PER3: variants seen among roughly 807,000 people sequenced by gnomAD.
PER3 encodes period circadian regulator 3, also known as period circadian protein homolog 3.
A neutral mutation model predicts 127.2 loss-of-function variants in PER3; 107 were observed. The observed-to-expected ratio is 0.84, with a 90% CI of 0.72 to 0.99. The LOEUF (loss-of-function observed/expected upper bound fraction) is 0.99. PER3 is among the 50% of genes least tolerant of loss of function. PER3 has a pLI of 0.00. For missense variants in PER3, 1,560 were observed against 1,525.8 expected, an observed-to-expected ratio of 1.02 and a Z score of -0.37; for synonymous variants, 618 against 585.8, an observed-to-expected ratio of 1.05 and a Z score of -0.79.
Position 7,784,650 on chromosome 1 carries a change from C to G in PER3, c.-224-4C>G, listed in dbSNP as rs1161527658. ...CCCTTGTCACCCTTGTCTCCTCCCC[C>G]TAGGCCGGAGTCCTGAAAGTCGAGC... On this transcript the variant is annotated splice_region_variant and splice_polypyrimidine_tract_variant and intron_variant, in intron 1 of 21. Coordinates refer to ENST00000377532, the MANE Select transcript of PER3 (RefSeq NM_001377275.1). The G allele has an allele frequency of 2.2e-6, 1 of 448,202 alleles. No homozygotes were observed. The highest frequency in any genetic ancestry group is 3.9e-6 in the Non-Finnish European group (1 of 256,938). 27.8% of individuals were successfully genotyped at this position (448,202 alleles called of 1,614,324 possible). A position where few individuals can be genotyped will look rare whatever the true frequency, so the allele number is the denominator to read the frequency against.
intron 7 of PER3, among the ~76,000 whole-genome samples, chr1:7,800,156 G>A (rs1043771497): frequency 2.6e-5 from 4 of 151,606 alleles, no homozygotes; most frequent in Non-Finnish European, 4.4e-5. Flanking sequence ...ATGAAATAGC[G>A]CACAAGCAAA....
Position 7,792,810 on chromosome 1 carries a change from C to T in PER3, c.593-1147C>T, listed in dbSNP as rs182116611. 1.8e-4 allele frequency among the ~76,000 whole-genome samples: 28 copies of T among 152,308 alleles called. No individual in the cohort carries two copies. The East Asian group carries it at 4.8e-3, about 26-fold the overall frequency. On this transcript the variant is annotated intron_variant, in intron 5 of 21. Coordinates refer to ENST00000377532, the MANE Select transcript of PER3 (RefSeq NM_001377275.1). ...AGTACGCTTTTAGAAACAAGCATCA[C>T]ATATTTACAGCCTAGGAATGGAAAT...
chr1:7,788,352 C>T (rs958096695), intron 5 of PER3, 106 bp downstream of exon 5: 2 of 779,916 alleles, frequency 2.6e-6, no homozygotes, highest in Non-Finnish European at 4.2e-6. Flanking sequence ...TGCACACTAT[C>T]TGGTTTTTCT....
intron 5 of PER3, 77 bp from the exon 6 acceptor site, chr1:7,793,880 T>C: frequency 8.3e-7 from 1 of 1,202,712 alleles, no homozygotes; most frequent in Non-Finnish European, 1.2e-6. Context: ...GTTTGTTGTT[T>C]GATAATGGTG....
intron 16 of PER3, among the ~76,000 whole-genome samples, chr1:7,822,992 CTCATCTTGGGT>C (rs767611557): frequency 6.6e-5 from 10 of 152,088 alleles, no homozygotes; most frequent in Non-Finnish European, 8.8e-5. Flanking sequence ...CTAGCTTGAG[CTCATCTTGGGT>C]TCGTTGCTAC....
Position 7,827,219 on chromosome 1 carries a change from G to A in PER3, c.2290G>A (p.Gly764Ser), listed in dbSNP as rs1252264621. The change falls in exon 18 of 22, where the codon GGC becomes AGC. Residue 764 changes from glycine (G) to serine (S), a missense_variant. This residue lies in a region of PER3 where 1,332 missense variants were observed against 1,223.6 expected (regional missense o/e 1.09). Coordinates refer to ENST00000377532, the MANE Select transcript of PER3 (RefSeq NM_001377275.1). ...GCCAGACAGCAGCAGCTCGAACACC[G>A]GCTCTGGTCCCCGCAGGGGAGCGCA... is the stretch of plus-strand genomic sequence containing the variant. ...EPPDSSSSNT[G>S]SGPRRGAHQN... is the part of the protein sequence containing the mutation. The A allele has an allele frequency of 1.9e-6, 3 of 1,613,766 alleles. No individual in the cohort carries two copies. Among genetic ancestry groups the A allele is most frequent in the Admixed American group, 1.7e-5 (1 of 59,994 alleles).
In PER3 at chr1:7,810,519, T is replaced by C. The variant is rs1577785100; in HGVS notation, c.1453T>C (p.Ser485Pro). 6.2e-7 allele frequency: 1 copy of C among 1,613,794 alleles called. No homozygotes were observed. Among genetic ancestry groups the C allele is most frequent in the Non-Finnish European group, 8.5e-7 (1 of 1,179,932 alleles). Residue 485 changes from serine to proline, a missense_variant, in exon 13 of 22, where the codon TCA becomes CCA. Ser to Pro is a moderately conservative substitution (Grantham distance 74). Coordinates refer to ENST00000377532, the MANE Select transcript of PER3 (RefSeq NM_001377275.1). The stretch of plus-strand genomic sequence containing the variant: ...GCTCTACATTGAGTCAATGACCAAA[T>C]CATCATTCAAGCCAGTGACGGGGAC... ...QQLYIESMTK[S>P]SFKPVTGTRT...
Position 7,843,991 on chromosome 1 carries a change from C to A in PER3, c.*1236C>A. On this transcript the variant is annotated 3_prime_UTR_variant, in exon 22 of 22. Coordinates refer to ENST00000377532, the MANE Select transcript of PER3 (RefSeq NM_001377275.1). ...AACAAATAGAAGAAAATGAGGGTTA[C>A]AGTAACCTGTTGTCTTTATATAACT... The A allele has an allele frequency of 8.0e-7, 1 of 1,243,094 alleles. No individual in the cohort carries two copies. The highest frequency in any genetic ancestry group is 1.0e-6 in the Non-Finnish European group (1 of 960,156). The allele number at this position is 1,243,094 out of a possible 1,614,324, so 77.0% of individuals were successfully genotyped here.
chr1:7,827,406 G>A lies in PER3; in HGVS notation c.2477G>A (p.Gly826Glu). 6.2e-7 allele frequency: 1 copy of A among 1,614,156 alleles called. No individual in the cohort carries two copies. Among genetic ancestry groups the A allele is most frequent in the Non-Finnish European group, 8.5e-7 (1 of 1,180,026 alleles). ...TSPGREYAAP[G>E]TAPEGLHGLP... ...CCCGGAAGAGAATACGCAGCCCCCG[G>A]AACTGCACCGGAAGGCCTGCATGGG... Residue 826 changes from glycine to glutamate, a missense_variant, in exon 18 of 22, where the codon GGA becomes GAA. Transcript: ENST00000377532.
At chr1:7,785,768 A>C (rs138631431) in intron 3 of PER3, among the ~76,000 whole-genome samples, 182 bp downstream of exon 3, 2 of 152,376 alleles carry the variant, frequency 1.3e-5, no homozygotes, top group African/African-American at 4.8e-5. Context: ...GTGAAAGACC[A>C]GGAAAACTTT....
At chr1:7,807,946 G>T (rs12041267) in intron 10 of PER3, among the ~76,000 whole-genome samples, 3 of 152,162 alleles carry the variant, frequency 2.0e-5, no homozygotes, top group Non-Finnish European at 4.4e-5. Context: ...ATAAAAACTA[G>T]TACAGGCTGG....
In PER3 at chr1:7,784,788, G is replaced by C. The variant is rs2097077283; in HGVS notation, c.-90G>C. The C allele has an allele frequency of 2.3e-6, 3 of 1,313,486 alleles. No homozygotes were observed. Among genetic ancestry groups the C allele is most frequent in the Non-Finnish European group, 2.9e-6 (3 of 1,020,376 alleles). 81.4% of individuals were successfully genotyped at this position (1,313,486 alleles called of 1,614,324 possible). On this transcript the variant is annotated 5_prime_UTR_variant, in exon 2 of 22. Transcript: ENST00000377532. Reference sequence around the variant, plus strand: ...AACGCCATGGCGGGGACCGGAGTGAGAAACCGGTGTCTGTCACTGACTGCA... The same window carrying C: ...AACGCCATGGCGGGGACCGGAGTGACAAACCGGTGTCTGTCACTGACTGCA...
chr1:7,843,876 G>C lies in PER3; in HGVS notation c.*1121G>C, dbSNP rs2097401540. On this transcript the variant is annotated 3_prime_UTR_variant, in exon 22 of 22. Coordinates refer to ENST00000377532, the MANE Select transcript of PER3 (RefSeq NM_001377275.1). ...GTGTGATTGTTTACTTGATAAATCA[G>C]CTCACTCTCTGGTGCTTTTTAGAGA... 1 of 1,234,146 alleles carries C rather than the reference G, an allele frequency of 8.1e-7. No individual in the cohort carries two copies. The highest frequency in any genetic ancestry group is 1.6e-5 in the African/African-American group (1 of 62,226). 76.4% of individuals were successfully genotyped at this position (1,234,146 alleles called of 1,614,324 possible). A position where few individuals can be genotyped will look rare whatever the true frequency, so the allele number is the denominator to read the frequency against.
At chr1:7,787,689 T>C in intron 4 of PER3, 1 of 336,030 alleles carries the variant, frequency 3.0e-6, no homozygotes, top group Non-Finnish European at 5.7e-6. Context: ...AGAAGGTGAA[T>C]CTTCAGTGTG....
In PER3 at chr1:7,810,782, G is replaced by A. The variant is rs567965530; in HGVS notation, c.1522+194G>A. On this transcript the variant is annotated intron_variant, in intron 13 of 21. Coordinates refer to ENST00000377532, the MANE Select transcript of PER3 (RefSeq NM_001377275.1). ...GCAGCAACAAATACTGTTCTGAAAGGAAATGGTATTAGAATGTATTTGTAA... is the reference window on the plus strand; with the variant it reads ...GCAGCAACAAATACTGTTCTGAAAGAAAATGGTATTAGAATGTATTTGTAA... The A allele has an allele frequency of 9.0e-6, 4 of 446,126 alleles. No individual in the cohort carries two copies. In the Admixed American group the frequency reaches 1.6e-4, roughly 18 times the overall value. 27.6% of individuals were successfully genotyped at this position (446,126 alleles called of 1,614,324 possible).
At chr1:7,803,632 A>G (rs759353102) in intron 9 of PER3, 60 bp from the exon 10 acceptor site, 93 of 1,061,784 alleles carry the variant, frequency 8.8e-5, no homozygotes, top group Non-Finnish European at 1.1e-4. Flanking sequence ...CTTAAAAAGG[A>G]CATTTGTAAT....
chr1:7,812,996 T>A (rs2097227563), intron 13 of PER3, among the ~76,000 whole-genome samples: 1 of 152,240 alleles, frequency 6.6e-6, no homozygotes, highest in African/African-American at 2.4e-5. Flanking sequence ...TTAAGCATGA[T>A]CATTGTTTAC....
chr1:7,795,859 G>T (rs766869318), intron 6 of PER3, among the ~76,000 whole-genome samples: 1 of 152,206 alleles, frequency 6.6e-6, no homozygotes, highest in Non-Finnish European at 1.5e-5. Context: ...TCGAACCCTG[G>T]CCAGTCTGGC....
chr1:7,789,797 C>T (rs1442320311), intron 5 of PER3, among the ~76,000 whole-genome samples: 1 of 152,148 alleles, frequency 6.6e-6, no homozygotes, highest in Non-Finnish European at 1.5e-5. Context: ...ATAGATTGCC[C>T]CATCTTTTAA....
Sources: gnomAD v4.1 joint callset for allele counts (sites outside exome capture counted in the v4.1 genomes callset) on GRCh38, gnomAD v4.1.1 for gene constraint, gnomAD v4.1.1 regional missense constraint, MANE v1.5 for transcripts, NCBI Gene and HGNC (gene_info 2026-07-23, HGNC 2026-07-21) for gene names.